Variants in CALN1 observed in about 807,000 individuals in gnomAD.
CALN1 encodes the protein calneuron 1.
CALN1 carries 17 observed loss-of-function variants against 30.6 expected under a neutral mutation model. The observed-to-expected ratio is 0.56, with a 90% confidence interval of 0.38 to 0.83. The LOEUF (loss-of-function observed/expected upper bound fraction) is 0.83, where lower values mean the gene tolerates loss of function less well. Ranked by LOEUF, CALN1 falls within the 40% of genes least tolerant of loss-of-function variation. The pLI, the probability that CALN1 is intolerant of heterozygous loss-of-function variation, is 0.00. For missense variants in CALN1, 291 were observed against 354.9 expected (o/e 0.82, Z 1.45); for synonymous variants, 156 against 131.4 (o/e 1.19, Z -1.28).
At chr7:72,126,911 G>T (rs1365205748) in intron 3 of CALN1, among the ~76,000 whole-genome samples, 1 of 151,912 alleles carries the variant, frequency 6.6e-6, no homozygotes, top group Non-Finnish European at 1.5e-5. Flanking sequence ...CACCCATAAA[G>T]AATTAAATCA....
intron 4 of CALN1, among the ~76,000 whole-genome samples, chr7:72,092,883 C>T (rs1002095297): frequency 1.4e-4 from 21 of 152,094 alleles, no homozygotes; most frequent in East Asian, 7.7e-4. Context: ...GAAGGAGAGA[C>T]GGGCTGGAGT....
chr7:72,447,321 A>G (rs567867718), upstream of CALN1, among the ~76,000 whole-genome samples: 137 of 151,380 alleles, frequency 9.1e-4, no homozygotes, highest in Non-Finnish European at 1.2e-3. Context: ...CAGCCCTCTC[A>G]CTCCAGCAAG....
At chr7:71,994,511 C>CAAAAAAAAAG (rs1799139518) in intron 5 of CALN1, among the ~76,000 whole-genome samples, 1 of 44,056 alleles carries the variant, frequency 2.3e-5, no homozygotes, top group African/African-American at 8.5e-5. Context: ...GACTTCATCT[C>CAAAAAAAAAG]AAAAAAAAAA....
At position 72,375,774 on chromosome 7, in the gene CALN1, G is replaced by C. The variant is rs377430269; in HGVS notation, c.119+27477C>G. 9.2e-5 allele frequency among the ~76,000 whole-genome samples: 14 copies of C among 152,138 alleles called. No individual in the cohort carries two copies. In the East Asian group the frequency reaches 2.5e-3, roughly 27 times the overall value. ...TGAGATTACAAGCATGACTCACTGT[G>C]CCTGGTCTAAAATATATAATTTTAC... On this transcript the variant is annotated intron_variant, in intron 2 of 6. Coordinates refer to ENST00000395275, the MANE Select transcript of CALN1 (RefSeq NM_031468.4).
chr7:71,824,533 T>C (rs2116350516), intron 5 of CALN1, among the ~76,000 whole-genome samples: 1 of 152,262 alleles, frequency 6.6e-6, no homozygotes. Context: ...GGCTGCCTTG[T>C]GAGGCCTTTG....
intron 3 of CALN1, among the ~76,000 whole-genome samples, chr7:72,276,409 A>C (rs1797336105): frequency 6.6e-6 from 1 of 152,244 alleles, no homozygotes; most frequent in Non-Finnish European, 1.5e-5. Context: ...TGGAAACCTA[A>C]CCACCAACGT....
At chr7:72,376,823 T>C (rs1021893440) in intron 2 of CALN1, among the ~76,000 whole-genome samples, 1 of 152,216 alleles carries the variant, frequency 6.6e-6, no homozygotes, top group African/African-American at 2.4e-5. Context: ...CCTCTAACAA[T>C]TGTAACTTTA....
intron 5 of CALN1, among the ~76,000 whole-genome samples, chr7:71,932,831 A>AAG (rs1795629997): frequency 6.6e-6 from 1 of 151,530 alleles, no homozygotes. Flanking sequence ...AAAAAAAAAA[A>AAG]AGAGAAGTGT....
intron 4 of CALN1, among the ~76,000 whole-genome samples, chr7:72,080,829 G>A (rs1445694205): frequency 2.0e-5 from 3 of 152,120 alleles, no homozygotes; most frequent in African/African-American, 7.2e-5. Context: ...AGGGGAAGCT[G>A]ATGGCTGTTC....
intron 2 of CALN1, among the ~76,000 whole-genome samples, chr7:72,393,602 G>A (rs891782024): frequency 2.0e-5 from 3 of 152,170 alleles, no homozygotes; most frequent in Admixed American, 1.3e-4. Context: ...ATCATCAGAT[G>A]TCAGATGTAC....
In CALN1 at chr7:72,065,035, CATGTAAAATATATTTATATGTTAATAT is replaced by C. The variant is rs1212296761; in HGVS notation, c.388+41089_388+41115del. 4.1e-5 allele frequency among the ~76,000 whole-genome samples: 6 copies of C among 147,134 alleles called. No individual in the cohort carries two copies. In the East Asian group the frequency reaches 5.8e-4, roughly 14 times the overall value. ...ATTAATATTCTGAAATAGTGATATA[CATGTAAAATATATTTATATGTTAATAT>C]ATGTAAAATATATTTATATGTTAAT... On this transcript the variant is annotated intron_variant, in intron 4 of 6. Coordinates refer to ENST00000395275, the MANE Select transcript of CALN1 (RefSeq NM_031468.4).
intron 3 of CALN1, among the ~76,000 whole-genome samples, chr7:72,272,077 G>T (rs1351693741): frequency 3.9e-5 from 5 of 129,570 alleles, no homozygotes; most frequent in African/African-American, 1.4e-4. Context: ...AAAAAAAAAA[G>T]TCATCTAGAG....
chr7:71,971,953 A>AAAAAAAAG (rs1797839188), intron 5 of CALN1, among the ~76,000 whole-genome samples: 63 of 72,748 alleles, frequency 8.7e-4, no homozygotes, highest in Non-Finnish European at 1.1e-3. Context: ...AAAAAAAAAA[A>AAAAAAAAG]AAAGAAAGAA....
At position 72,031,738 on chromosome 7, in the gene CALN1, T is replaced by G. The variant is rs961977991; in HGVS notation, c.389-7969A>C. ...ATGTGCCACCACGCCTGGCTAATTT[T>G]TTTTTTTTTTTTTTTTTTTTTGAGA... On this transcript the variant is annotated intron_variant, in intron 4 of 6. Transcript: ENST00000395275. Among the ~76,000 whole-genome samples, 441 of 144,664 alleles carry G rather than the reference T, an allele frequency of 3.0e-3. 5 individuals are homozygous for G. Among genetic ancestry groups the G allele is most frequent in the African/African-American group, 0.011 (405 of 38,530 alleles). The allele number at this position is 144,664 out of a possible 152,430, so 94.9% of individuals were successfully genotyped here.
At chr7:72,404,617 A>G (rs1187896659) in intron 1 of CALN1, among the ~76,000 whole-genome samples, 4 of 152,138 alleles carry the variant, frequency 2.6e-5, no homozygotes, top group African/African-American at 7.2e-5. Flanking sequence ...TCCATTTCTC[A>G]CTACTTGGCC....
intron 4 of CALN1, among the ~76,000 whole-genome samples, chr7:72,099,098 G>A (rs1171290907): frequency 6.6e-6 from 1 of 152,066 alleles, no homozygotes; most frequent in Non-Finnish European, 1.5e-5. Flanking sequence ...CGGGCAAAGC[G>A]GCAGGGACCC....
At chr7:72,234,677 T>C (rs375985853) in intron 3 of CALN1, among the ~76,000 whole-genome samples, 150 of 152,178 alleles carry the variant, frequency 9.9e-4, no homozygotes, top group African/African-American at 3.5e-3. Flanking sequence ...AACTCCTGAC[T>C]GCAAGTGATC....
chr7:72,072,301 A>G (rs1584883481), intron 4 of CALN1, among the ~76,000 whole-genome samples: 1 of 152,226 alleles, frequency 6.6e-6, no homozygotes, highest in Non-Finnish European at 1.5e-5. Context: ...ATTCCCCAAC[A>G]TGAGTATGAG....
chr7:71,894,421 T>C (rs1394759536), intron 5 of CALN1, among the ~76,000 whole-genome samples: 1 of 150,674 alleles, frequency 6.6e-6, no homozygotes, highest in Admixed American at 6.6e-5. Flanking sequence ...CACGCTACTA[T>C]GCCTGGCTAA....
Sources: allele counts gnomAD v4.1 joint callset (sites outside exome capture counted in the v4.1 genomes callset), GRCh38; gene constraint gnomAD v4.1.1; transcripts MANE v1.5; gene names NCBI Gene and HGNC (gene_info 2026-07-23, HGNC 2026-07-21).